Variants in CNTNAP2 observed in about 807,000 individuals in gnomAD.
CNTNAP2 encodes contactin associated protein 2, also known as contactin-associated protein-like 2.
A neutral mutation model predicts 155.2 loss-of-function variants in CNTNAP2; 98 were observed. The observed-to-expected ratio is 0.63, with a 90% CI of 0.54 to 0.75. CNTNAP2 has a LOEUF of 0.75. CNTNAP2 is among the 30% of genes least tolerant of loss of function. CNTNAP2 has a pLI of 0.00. For synonymous variants in CNTNAP2, 651 were observed against 631.2 expected, an observed-to-expected ratio of 1.03 and a Z score of -0.47; for missense variants, 1,727 against 1,688.1, an observed-to-expected ratio of 1.02 and a Z score of -0.40.
At chr7:147,593,044 T>A (rs1470299354) in intron 12 of CNTNAP2, among the ~76,000 whole-genome samples, 1 of 152,126 alleles carries the variant, frequency 6.6e-6, no homozygotes. Context: ...ACACCGAATA[T>A]CATTACCTAA....
In CNTNAP2 at chr7:148,151,055, G is replaced by A. The variant is rs76898724; in HGVS notation, c.2773+3346G>A. ...TTAGACATTTTTTATTACATGCTTGGTAATGATTGAACAATACCAGGGTTG... is the reference window on the plus strand; with the variant it reads ...TTAGACATTTTTTATTACATGCTTGATAATGATTGAACAATACCAGGGTTG... On this transcript the variant is annotated intron_variant, in intron 17 of 23. Transcript: ENST00000361727. Among the ~76,000 whole-genome samples the A allele has an allele frequency of 6.1e-3, 928 of 152,132 alleles. 11 individuals are homozygous for A. Among genetic ancestry groups the A allele is most frequent in the African/African-American group, 0.021 (884 of 41,518 alleles).
At chr7:147,002,604 C>A (rs1361345348) in intron 3 of CNTNAP2, among the ~76,000 whole-genome samples, 3 of 152,006 alleles carry the variant, frequency 2.0e-5, no homozygotes, top group African/African-American at 4.8e-5. Flanking sequence ...GCTGCTATAA[C>A]AAAATACCAT....
At chr7:147,219,529 T>C (rs1803347826) in intron 8 of CNTNAP2, among the ~76,000 whole-genome samples, 1 of 152,152 alleles carries the variant, frequency 6.6e-6, no homozygotes, top group African/African-American at 2.4e-5. Flanking sequence ...TTCATTCCAC[T>C]TTCTTTTGCC....
Position 147,903,816 on chromosome 7 carries a change from T to C in CNTNAP2, c.2255+95T>C, listed in dbSNP as rs1799916036. ...GAAGAAAGTTTGAAAAGTGCTATAATAATACGATAATAGGGTAGAAAGGTC... is the reference window on the plus strand; with the variant it reads ...GAAGAAAGTTTGAAAAGTGCTATAACAATACGATAATAGGGTAGAAAGGTC... On this transcript the variant is annotated intron_variant, in intron 14 of 23. Transcript: ENST00000361727. The C allele has an allele frequency of 2.8e-6, 4 of 1,426,636 alleles. No individual in the cohort carries two copies. In the East Asian group the frequency reaches 7.4e-5, roughly 26 times the overall value. 88.4% of individuals were successfully genotyped at this position (1,426,636 alleles called of 1,614,324 possible). A position where few individuals can be genotyped will look rare whatever the true frequency, so the allele number is the denominator to read the frequency against.
chr7:146,794,097 A>G (rs1428592900), intron 2 of CNTNAP2, among the ~76,000 whole-genome samples: 2 of 152,168 alleles, frequency 1.3e-5, no homozygotes, highest in Non-Finnish European at 2.9e-5. Context: ...ATGCAATCAG[A>G]TTGACTCAAA....
chr7:148,315,420 C>T (rs573091535), intron 21 of CNTNAP2, among the ~76,000 whole-genome samples: 5 of 152,054 alleles, frequency 3.3e-5, no homozygotes, highest in Admixed American at 1.3e-4. Context: ...ACAGGGTGCT[C>T]AGTAGGGGAG....
At chr7:147,408,156 A>C (rs569677776) in intron 10 of CNTNAP2, among the ~76,000 whole-genome samples, 1 of 145,786 alleles carries the variant, frequency 6.9e-6, no homozygotes, top group East Asian at 1.9e-4. Context: ...TGAAAGAGTT[A>C]GACATCAGAA....
intron 1 of CNTNAP2, among the ~76,000 whole-genome samples, chr7:146,530,870 T>C (rs771435607): frequency 2.0e-5 from 3 of 152,208 alleles, no homozygotes; most frequent in Non-Finnish European, 2.9e-5. Flanking sequence ...ATTCCATTAT[T>C]GCATGTATAC....
chr7:147,909,981 T>C (rs1330242272), intron 14 of CNTNAP2, among the ~76,000 whole-genome samples: 1 of 152,182 alleles, frequency 6.6e-6, no homozygotes, highest in Non-Finnish European at 1.5e-5. Context: ...CTAAATGGAA[T>C]TGGCTTGTCT....
chr7:146,645,821 T>A (rs1799802077), intron 1 of CNTNAP2, among the ~76,000 whole-genome samples: 1 of 151,716 alleles, frequency 6.6e-6, no homozygotes, highest in Non-Finnish European at 1.5e-5. Flanking sequence ...ATGTGGGTGT[T>A]TGTGGTTAGG....
chr7:147,302,781 T>C (rs576284037), intron 9 of CNTNAP2, among the ~76,000 whole-genome samples: 1 of 152,324 alleles, frequency 6.6e-6, no homozygotes, highest in South Asian at 2.1e-4. Flanking sequence ...TGCATGAGAA[T>C]TAGCTACTCT....
At chr7:147,531,955 T>C (rs916697011) in intron 11 of CNTNAP2, among the ~76,000 whole-genome samples, 31 of 152,052 alleles carry the variant, frequency 2.0e-4, no homozygotes, top group Non-Finnish European at 3.2e-4. Flanking sequence ...TACAGGTGCC[T>C]GCCACCATGT....
At chr7:146,206,371 TATA>T (rs1463713920) in intron 1 of CNTNAP2, among the ~76,000 whole-genome samples, 1 of 151,956 alleles carries the variant, frequency 6.6e-6, no homozygotes, top group East Asian at 1.9e-4. Flanking sequence ...TCATTTCAAA[TATA>T]ATGAGAATTC....
chr7:146,859,307 C>T (rs770086326), intron 3 of CNTNAP2, among the ~76,000 whole-genome samples: 3 of 152,126 alleles, frequency 2.0e-5, no homozygotes, highest in African/African-American at 7.2e-5. Flanking sequence ...TATGCATTAG[C>T]CCCTATAGTT....
At chr7:147,285,302 T>G (rs1805152268) in intron 8 of CNTNAP2, among the ~76,000 whole-genome samples, 1 of 151,838 alleles carries the variant, frequency 6.6e-6, no homozygotes, top group African/African-American at 2.4e-5. Context: ...TAAAAACAAT[T>G]ATCTCACTCG....
intron 21 of CNTNAP2, among the ~76,000 whole-genome samples, chr7:148,316,657 AG>A (rs149790735): frequency 0.082 from 12,486 of 152,264 alleles, 540 homozygotes; most frequent in African/African-American, 0.1. Flanking sequence ...AGAATGTTCT[AG>A]AAGGAATAGA....
At chr7:147,754,007 C>T (rs555617362) in intron 13 of CNTNAP2, among the ~76,000 whole-genome samples, 1 of 152,182 alleles carries the variant, frequency 6.6e-6, no homozygotes, top group Admixed American at 6.5e-5. Flanking sequence ...GGCAACCCTG[C>T]AGCCCTAAGT....
intron 9 of CNTNAP2, among the ~76,000 whole-genome samples, chr7:147,373,975 A>G (rs1719901161): frequency 6.6e-6 from 1 of 152,042 alleles, no homozygotes; most frequent in African/African-American, 2.4e-5. Flanking sequence ...AAAAGCAAAC[A>G]TAGACTGCAA....
intron 3 of CNTNAP2, among the ~76,000 whole-genome samples, chr7:146,914,993 T>C (rs931373917): frequency 6.6e-6 from 1 of 152,276 alleles, no homozygotes; most frequent in South Asian, 2.1e-4. Flanking sequence ...TTAATTTTTG[T>C]ATAAGGTGAG....
Sources: allele counts gnomAD v4.1 joint callset (sites outside exome capture counted in the v4.1 genomes callset), GRCh38; gene constraint gnomAD v4.1.1; transcripts MANE v1.5; gene names NCBI Gene and HGNC (gene_info 2026-07-23, HGNC 2026-07-21).